Variants in ERC2 observed in about 807,000 individuals in gnomAD.
The protein encoded by ERC2 is ERC protein 2.
In ERC2, 42 loss-of-function variants were observed where a neutral mutation model predicts 114.8. That is an observed-to-expected ratio of 0.37 (90% CI 0.29 to 0.47). The LOEUF (loss-of-function observed/expected upper bound fraction) is 0.47, where lower values mean the gene tolerates loss of function less well. Ranked by LOEUF, ERC2 falls within the 20% of genes least tolerant of loss-of-function variation. The pLI is 0.99. For synonymous variants in ERC2, 454 were observed against 425.5 expected, an observed-to-expected ratio of 1.07 and a Z score of -0.82; for missense variants, 939 against 1,150.7, an observed-to-expected ratio of 0.82 and a Z score of 2.66.
intron 7 of ERC2, among the ~76,000 whole-genome samples, chr3:56,023,233 T>C (rs2073834816): frequency 1.3e-5 from 2 of 152,084 alleles, no homozygotes; most frequent in South Asian, 4.1e-4. Context: ...AAAGGTAACC[T>C]TCCCAAAATG....
intron 16 of ERC2, among the ~76,000 whole-genome samples, chr3:55,691,302 G>T (rs868295117): frequency 6.6e-6 from 1 of 151,994 alleles, no homozygotes; most frequent in Non-Finnish European, 1.5e-5. Flanking sequence ...TATTGGGAAA[G>T]AGGCAAGTGG....
rs527749173 is a variant in ERC2 at position 56,303,969 on chromosome 3, C to G, written c.658-7534G>C. Among the ~76,000 whole-genome samples, 4 of 152,162 alleles carry G rather than the reference C, an allele frequency of 2.6e-5. No individual in the cohort carries two copies. In the South Asian group the frequency reaches 8.3e-4, roughly 32 times the overall value. ...ATTACCACAGACACAAGGAAACTTC[C>G]ACGAGTGATGGCCATATGCAAAATA... On this transcript the variant is annotated intron_variant, in intron 2 of 17. Transcript: ENST00000288221.
At position 55,581,964 on chromosome 3, in the gene ERC2, T is replaced by C. The variant is rs543103514; in HGVS notation, c.*40-70688A>G. On this transcript the variant is annotated intron_variant, in intron 17 of 17. Transcript: ENST00000288221. The stretch of plus-strand genomic sequence containing the variant: ...TGAAATATACATGCATGCTGTCCCC[T>C]CCCCACATTCCAACTGGCCTGGGCT... Among the ~76,000 whole-genome samples, 77 of 152,202 alleles carry C rather than the reference T, an allele frequency of 5.1e-4. No individual in the cohort carries two copies. In the Middle Eastern group the frequency reaches 0.01, roughly 20 times the overall value.
At chr3:56,272,596 G>A (rs977324770) in intron 3 of ERC2, among the ~76,000 whole-genome samples, 7 of 152,230 alleles carry the variant, frequency 4.6e-5, no homozygotes, top group Non-Finnish European at 5.9e-5. Context: ...ATAGTGAAAC[G>A]CTGTCTCTCC....
At chr3:55,794,878 C>G (rs1173816717) in intron 14 of ERC2, among the ~76,000 whole-genome samples, 2 of 152,160 alleles carry the variant, frequency 1.3e-5, no homozygotes, top group Non-Finnish European at 2.9e-5. Context: ...AATCACTGTA[C>G]AGGATTCATT....
chr3:55,615,101 T>G (rs928982860), intron 17 of ERC2, among the ~76,000 whole-genome samples: 11 of 152,200 alleles, frequency 7.2e-5, no homozygotes, highest in African/African-American at 2.7e-4. Flanking sequence ...GTTTTTAGGT[T>G]TTATCTTATC....
intron 17 of ERC2, among the ~76,000 whole-genome samples, chr3:55,598,661 G>T (rs1244954819): frequency 6.6e-6 from 1 of 152,228 alleles, no homozygotes; most frequent in Non-Finnish European, 1.5e-5. Flanking sequence ...GAATCTTAAT[G>T]TTCCTTTGAA....
At chr3:55,564,559 G>A (rs956092401) in intron 17 of ERC2, among the ~76,000 whole-genome samples, 3 of 152,186 alleles carry the variant, frequency 2.0e-5, no homozygotes, top group African/African-American at 7.2e-5. Context: ...ACTCCACTAA[G>A]TACACCGTCC....
At position 55,545,785 on chromosome 3, in the gene ERC2, G is replaced by A. The variant is rs543154876; in HGVS notation, c.*40-34509C>T. Among the ~76,000 whole-genome samples the A allele has an allele frequency of 4.6e-5, 7 of 152,254 alleles. No homozygotes were observed. In the South Asian group the frequency reaches 8.3e-4, roughly 18 times the overall value. The stretch of plus-strand genomic sequence containing the variant: ...TGTGCCAGGGGGTACCCACTGGGCC[G>A]GGTCCTCCTGCCAGGGTTGTGAGTT... On this transcript the variant is annotated intron_variant, in intron 17 of 17. Transcript: ENST00000288221.
intron 17 of ERC2, among the ~76,000 whole-genome samples, chr3:55,514,394 A>G (rs1575434225): frequency 6.6e-6 from 1 of 151,966 alleles, no homozygotes; most frequent in African/African-American, 2.4e-5. Context: ...GGATTGTGCC[A>G]CTCCAGCCGT....
chr3:55,884,828 A>G (rs903954251), intron 14 of ERC2, among the ~76,000 whole-genome samples: 2 of 152,128 alleles, frequency 1.3e-5, no homozygotes, highest in African/African-American at 4.8e-5. Flanking sequence ...TCCTTTCAAA[A>G]GCCCCCTTTA....
At chr3:56,399,477 A>T (rs1473478133) in intron 2 of ERC2, among the ~76,000 whole-genome samples, 2 of 152,218 alleles carry the variant, frequency 1.3e-5, no homozygotes, top group Non-Finnish European at 2.9e-5. Flanking sequence ...AATTACATCA[A>T]TAAATTATTT....
intron 14 of ERC2, among the ~76,000 whole-genome samples, chr3:55,881,156 A>C (rs913172543): frequency 1.3e-5 from 2 of 152,210 alleles, no homozygotes; most frequent in Non-Finnish European, 2.9e-5. Flanking sequence ...AATTGATTTT[A>C]TCATTTCTGC....
intron 3 of ERC2, among the ~76,000 whole-genome samples, chr3:56,241,629 G>T (rs973121669): frequency 4.6e-5 from 7 of 152,108 alleles, no homozygotes; most frequent in Non-Finnish European, 8.8e-5. Context: ...TAAGATCATA[G>T]ATCATAGAGC....
intron 7 of ERC2, among the ~76,000 whole-genome samples, chr3:56,067,774 C>A (rs1692478332): frequency 6.6e-6 from 1 of 152,112 alleles, no homozygotes; most frequent in African/African-American, 2.4e-5. Flanking sequence ...TATCAAAGGC[C>A]TTTTCTGCAT....
chr3:56,275,621 C>T (rs2053938235), intron 3 of ERC2, among the ~76,000 whole-genome samples: 1 of 152,202 alleles, frequency 6.6e-6, no homozygotes, highest in Admixed American at 6.5e-5. Flanking sequence ...CATGTGTCCA[C>T]AGGTCTCTTG....
intron 17 of ERC2, among the ~76,000 whole-genome samples, chr3:55,520,414 A>G (rs1375572081): frequency 1.4e-5 from 2 of 145,332 alleles, no homozygotes; most frequent in South Asian, 4.6e-4. Flanking sequence ...CCAGCCTGGG[A>G]GACAGTGAGA....
chr3:55,620,707 G>A (rs528498074), intron 17 of ERC2, among the ~76,000 whole-genome samples: 1 of 152,242 alleles, frequency 6.6e-6, no homozygotes, highest in African/African-American at 2.4e-5. Flanking sequence ...AAACACCACT[G>A]CCTTTAACTC....
At chr3:56,361,173 G>A (rs2058943016) in intron 2 of ERC2, among the ~76,000 whole-genome samples, 1 of 151,986 alleles carries the variant, frequency 6.6e-6, no homozygotes, top group Non-Finnish European at 1.5e-5. Flanking sequence ...ACAAATTTCA[G>A]GCAAAAAGAG....
Sources: allele counts gnomAD v4.1 joint callset (sites outside exome capture counted in the v4.1 genomes callset), GRCh38; gene constraint gnomAD v4.1.1; transcripts MANE v1.5; gene names NCBI Gene and HGNC (gene_info 2026-07-23, HGNC 2026-07-21).